The following LGSN variants were observed in gnomAD, a reference collection of about 807,000 sequenced individuals.
LGSN encodes lengsin.
LGSN carries 21 observed loss-of-function variants against 19.5 expected under a neutral mutation model. The observed-to-expected ratio is 1.07, with a 90% CI of 0.76 to 1.55. The LOEUF is 1.55. LGSN is among the 40% of genes most tolerant of loss of function. LGSN has a pLI of 0.00. For missense variants in LGSN, 673 were observed against 608.5 expected (o/e 1.11, Z -1.12); for synonymous variants, 257 against 215.6 (o/e 1.19, Z -1.68).
At chr6:63,283,763 C>T (rs1013513797) in intron 3 of LGSN, among the ~76,000 whole-genome samples, 18 of 151,926 alleles carry the variant, frequency 1.2e-4, no homozygotes, top group South Asian at 2.1e-4. Context: ...TGCAATGGCG[C>T]GATCTCGGCT....
At chr6:63,391,484 G>A in the LGSN span, among the ~76,000 whole-genome samples, 47 of 152,286 alleles carry the variant, frequency 3.1e-4, no homozygotes, top group African/African-American at 8.9e-4. Context: ...TAAGTGGGTT[G>A]ATTTCAGTCT....
In LGSN at chr6:63,280,504, C is replaced by T. The variant is rs1454112577; in HGVS notation, c.1047G>A (p.Leu349=). The change falls in exon 4 of 4, where the codon TTG becomes TTA. Residue 349 remains leucine (L), a synonymous_variant. Transcript: ENST00000370657. ...ITGKKWLAGL[L]KHSAALSCLM... ...GGCAGCTGAGCGCAGCAGAGTGCTT[C>T]AAGAGTCCTGCCAACCATTTTTTCC... is the stretch of plus-strand genomic sequence containing the variant. 1.9e-6 allele frequency: 3 copies of T among 1,613,968 alleles called. No homozygotes were observed. The highest frequency in any genetic ancestry group is 2.7e-5 in the African/African-American group (2 of 74,926).
intron 2 of LGSN, among the ~76,000 whole-genome samples, chr6:63,288,319 C>T (rs774144582): frequency 2.0e-5 from 3 of 151,618 alleles, no homozygotes; most frequent in Non-Finnish European, 4.4e-5. Context: ...TCATCACATA[C>T]TATTCATACT....
the LGSN span, among the ~76,000 whole-genome samples, chr6:63,351,113 T>C: frequency 6.6e-6 from 1 of 152,048 alleles, no homozygotes; most frequent in Non-Finnish European, 1.5e-5. Flanking sequence ...AGTGTCTTTA[T>C]AAAAGAGACC....
At chr6:63,560,930 A>C in the LGSN span, among the ~76,000 whole-genome samples, 4 of 152,226 alleles carry the variant, frequency 2.6e-5, no homozygotes, top group African/African-American at 9.7e-5. Flanking sequence ...GCAGATTTTC[A>C]GTAAAGTATT....
At chr6:63,487,762 C>T in the LGSN span, among the ~76,000 whole-genome samples, 1 of 152,170 alleles carries the variant, frequency 6.6e-6, no homozygotes, top group Non-Finnish European at 1.5e-5. Flanking sequence ...GGGCGGATCA[C>T]CTAAGGCCAG....
the LGSN span, among the ~76,000 whole-genome samples, chr6:63,546,533 C>T: frequency 9.8e-5 from 15 of 152,294 alleles, no homozygotes; most frequent in East Asian, 2.7e-3. Context: ...TGGTGAAACC[C>T]TCTCTCTACT....
the LGSN span, among the ~76,000 whole-genome samples, chr6:63,558,309 C>T: frequency 6.6e-6 from 1 of 151,836 alleles, no homozygotes; most frequent in Non-Finnish European, 1.5e-5. Context: ...GAGAAAGAAG[C>T]AGGGAAGGAA....
chr6:63,430,652 T>G, the LGSN span, among the ~76,000 whole-genome samples: 2 of 152,152 alleles, frequency 1.3e-5, no homozygotes, highest in Non-Finnish European at 2.9e-5. Flanking sequence ...CCTCTGAAAG[T>G]GTTGGGATTA....
chr6:63,501,785 A>G, the LGSN span, among the ~76,000 whole-genome samples: 1 of 152,140 alleles, frequency 6.6e-6, no homozygotes, highest in African/African-American at 2.4e-5. Context: ...TCACTAACAG[A>G]ACATTACTGT....
chr6:63,353,588 C>CAAAA, the LGSN span, among the ~76,000 whole-genome samples: 9 of 74,140 alleles, frequency 1.2e-4, no homozygotes, highest in South Asian at 5.0e-4. Context: ...CAGTTTGTAG[C>CAAAA]AAAAAAAAAA....
At chr6:63,412,726 A>AAGGAAGGAAGGACG in the LGSN span, among the ~76,000 whole-genome samples, 1 of 41,372 alleles carries the variant, frequency 2.4e-5, no homozygotes, top group African/African-American at 1.2e-4. Flanking sequence ...AAGGAAAGAA[A>AAGGAAGGAAGGACG]GAAAGAAAGA....
the LGSN span, chr6:63,573,327 G>C: frequency 6.6e-6 from 1 of 152,376 alleles, no homozygotes; most frequent in East Asian, 1.9e-4. Context: ...AGCCAGGCAC[G>C]GGTGGTAACG....
At chr6:63,524,403 C>T in the LGSN span, among the ~76,000 whole-genome samples, 9 of 152,160 alleles carry the variant, frequency 5.9e-5, no homozygotes, top group South Asian at 1.9e-3. Context: ...TCAAAACTGC[C>T]ACAGCAGATG....
chr6:63,492,053 G>A, the LGSN span, among the ~76,000 whole-genome samples: 11 of 151,498 alleles, frequency 7.3e-5, no homozygotes, highest in African/African-American at 1.2e-4. Flanking sequence ...AAAAATTAAC[G>A]TATGTTTTAC....
the LGSN span, among the ~76,000 whole-genome samples, chr6:63,500,406 G>T: frequency 6.6e-6 from 1 of 152,084 alleles, no homozygotes; most frequent in Non-Finnish European, 1.5e-5. Context: ...CCTCTGACAG[G>T]TTTATTTTTA....
At chr6:63,512,921 G>A in the LGSN span, among the ~76,000 whole-genome samples, 2 of 152,136 alleles carry the variant, frequency 1.3e-5, no homozygotes, top group African/African-American at 2.4e-5. Context: ...ACTGTTCTCC[G>A]TACTAAAGCA....
the LGSN span, among the ~76,000 whole-genome samples, chr6:63,473,985 GT>G: frequency 1.3e-5 from 2 of 150,596 alleles, no homozygotes; most frequent in Non-Finnish European, 2.9e-5. Context: ...AATGTGCTGA[GT>G]TTAACTCACT....
intron 2 of LGSN, among the ~76,000 whole-genome samples, chr6:63,287,581 G>C (rs377431260): frequency 6.6e-6 from 1 of 151,930 alleles, no homozygotes; most frequent in Non-Finnish European, 1.5e-5. Flanking sequence ...GGTGTCATGC[G>C]CCTGTAGTCC....
Sources: allele counts gnomAD v4.1 joint callset (sites outside exome capture counted in the v4.1 genomes callset), GRCh38; gene constraint gnomAD v4.1.1; transcripts MANE v1.5; gene names NCBI Gene and HGNC (gene_info 2026-07-23, HGNC 2026-07-21).